Variants in PRRC1 observed in about 807,000 individuals in gnomAD.
The protein encoded by PRRC1 is protein PRRC1.
A neutral mutation model predicts 40.7 loss-of-function variants in PRRC1; 39 were observed. The observed-to-expected ratio is 0.96, with a 90% CI of 0.74 to 1.25. The LOEUF (loss-of-function observed/expected upper bound fraction) is 1.25. PRRC1 is among the 50% of genes most tolerant of loss of function. The probability of loss-of-function intolerance (pLI) is 0.00; values close to 1 mark genes in which losing one functional copy is unlikely to be tolerated. For synonymous variants in PRRC1, 175 were observed against 193.3 expected (o/e 0.91, Z 0.79); for missense variants, 573 against 548.3 (o/e 1.05, Z -0.45).
intron 1 of PRRC1, among the ~76,000 whole-genome samples, chr5:127,520,137 G>C (rs1426261777): frequency 3.9e-5 from 6 of 152,226 alleles, no homozygotes; most frequent in African/African-American, 1.2e-4. Context: ...CTGTGCATTG[G>C]AGGATTTTTA....
chr5:127,526,851 G>GA (rs1767631516), intron 4 of PRRC1, 73 bp downstream of exon 4: 1 of 1,237,478 alleles, frequency 8.1e-7, no homozygotes, highest in Non-Finnish European at 1.1e-6. Flanking sequence ...AGAAAATATT[G>GA]AAAATACAGG....
At chr5:127,535,429 A>G (rs1033403652) in intron 6 of PRRC1, among the ~76,000 whole-genome samples, 1 of 152,180 alleles carries the variant, frequency 6.6e-6, no homozygotes, top group African/African-American at 2.4e-5. Context: ...CAAAAAGGAT[A>G]CCTGTTTACA....
At chr5:127,522,424 T>A (rs377476136) in intron 1 of PRRC1, among the ~76,000 whole-genome samples, 1 of 152,210 alleles carries the variant, frequency 6.6e-6, no homozygotes, top group East Asian at 1.9e-4. Context: ...AAGGTCCTGC[T>A]TTGTTGCCCA....
intron 7 of PRRC1, among the ~76,000 whole-genome samples, chr5:127,542,163 T>C (rs1191790025): frequency 6.6e-6 from 1 of 152,248 alleles, no homozygotes; most frequent in Non-Finnish European, 1.5e-5. Flanking sequence ...GGTTGTTCAG[T>C]TTCCACGTAG....
chr5:127,532,599 GA>G (rs201475099), intron 5 of PRRC1, among the ~76,000 whole-genome samples: 7 of 150,172 alleles, frequency 4.7e-5, no homozygotes, highest in South Asian at 2.1e-4. Context: ...GGAAAAAAGT[GA>G]AAAAAAAAGT....
chr5:127,529,253 T>A (rs1767702544), intron 4 of PRRC1, among the ~76,000 whole-genome samples: 6 of 151,826 alleles, frequency 4.0e-5, no homozygotes, highest in Admixed American at 3.9e-4. Context: ...AGATTTAAAA[T>A]TGGTAGATGA....
At chr5:127,524,452 A>G (rs1767546687) in intron 2 of PRRC1, 79 bp from the exon 3 acceptor site, 2 of 1,455,776 alleles carry the variant, frequency 1.4e-6, no homozygotes, top group East Asian at 2.3e-5. Flanking sequence ...TTTTGCAAGA[A>G]GAAAGTAATT....
At chr5:127,523,040 C>G (rs1767500943) in intron 1 of PRRC1, among the ~76,000 whole-genome samples, 1 of 152,080 alleles carries the variant, frequency 6.6e-6, no homozygotes, top group East Asian at 1.9e-4. Context: ...TCTACAACTC[C>G]TAGCCTCAAA....
In PRRC1 at chr5:127,527,717, T is replaced by C. The variant is rs1196873594; in HGVS notation, c.654+939T>C. ...CAGGCTGCTTGAGCTGTGATCATGA[T>C]ACTACATTCCAGTCTAAGTGACAGA... is the stretch of plus-strand genomic sequence containing the variant. On this transcript the variant is annotated intron_variant, in intron 4 of 8. Coordinates refer to ENST00000296666, the MANE Select transcript of PRRC1 (RefSeq NM_130809.5). Among the ~76,000 whole-genome samples the C allele has an allele frequency of 3.2e-5, 4 of 126,882 alleles. No homozygotes were observed. In the Admixed American group the frequency reaches 3.9e-4, roughly 12 times the overall value. The allele number at this position is 126,882 out of a possible 152,430, so 83.2% of individuals were successfully genotyped here.
chr5:127,532,768 A>T (rs545997935), intron 5 of PRRC1, among the ~76,000 whole-genome samples: 1 of 152,334 alleles, frequency 6.6e-6, no homozygotes, highest in East Asian at 1.9e-4. Flanking sequence ...TTTATTAGGG[A>T]AAAACAACCT....
chr5:127,531,772 G>C (rs1667734091), intron 5 of PRRC1, among the ~76,000 whole-genome samples: 2 of 151,634 alleles, frequency 1.3e-5, no homozygotes, highest in Admixed American at 6.6e-5. Flanking sequence ...ACAGCCGTGT[G>C]CCACCACGCC....
chr5:127,553,886 GCCT>G lies in PRRC1; in HGVS notation c.*1974_*1976del. Reference sequence around the variant, plus strand: ...TTTCCTGCCCCTGGTGACCTGGTAAGCCTCCTGCTCGGAACCGTGTGAGTGGGT... The same window carrying G: ...TTTCCTGCCCCTGGTGACCTGGTAAGCCTGCTCGGAACCGTGTGAGTGGGT... On this transcript the variant is annotated 3_prime_UTR_variant, in exon 9 of 9. Transcript: ENST00000296666. The G allele has an allele frequency of 6.5e-7, 1 of 1,535,660 alleles. No individual in the cohort carries two copies. Among genetic ancestry groups the G allele is most frequent in the Non-Finnish European group, 8.7e-7 (1 of 1,146,586 alleles).
rs1767347585 is a variant in PRRC1 at position 127,517,641 on chromosome 5, T to G, written c.-156T>G. 1 of 151,240 alleles carries G rather than the reference T, an allele frequency of 6.6e-6. No homozygotes were observed. The highest frequency in any genetic ancestry group is 1.5e-5 in the Non-Finnish European group (1 of 67,758). 9.4% of individuals were successfully genotyped at this position (151,240 alleles called of 1,614,324 possible). On this transcript the variant is annotated 5_prime_UTR_variant, in exon 1 of 9. Coordinates refer to ENST00000296666, the MANE Select transcript of PRRC1 (RefSeq NM_130809.5). ...CAGGAGCATGCGCCGCCCGTGGCCA[T>G]CTTGTAGGCGGGGACACGCCGAGGT...
chr5:127,524,989 C>G (rs1767580746), intron 3 of PRRC1, 69 bp downstream of exon 3: 1 of 1,389,044 alleles, frequency 7.2e-7, no homozygotes, highest in Admixed American at 2.3e-5. Context: ...AAAATAATAG[C>G]TTTGTTGAGA....
chr5:127,543,572 C>G (rs886918609), intron 7 of PRRC1, among the ~76,000 whole-genome samples: 20 of 151,854 alleles, frequency 1.3e-4, no homozygotes, highest in African/African-American at 4.1e-4. Context: ...TTGTTCGTTT[C>G]TTTTTATTCT....
chr5:127,530,452 A>G, intron 5 of PRRC1, 56 bp downstream of exon 5: 1 of 1,062,462 alleles, frequency 9.4e-7, no homozygotes, highest in East Asian at 2.5e-5. Context: ...GTATGTCCAC[A>G]TCAGCCACTA....
At chr5:127,534,840 TA>T (rs1326924511) in intron 6 of PRRC1, among the ~76,000 whole-genome samples, 1 of 152,234 alleles carries the variant, frequency 6.6e-6, no homozygotes, top group Non-Finnish European at 1.5e-5. Flanking sequence ...TGTCTAGAAC[TA>T]AACTTCTTTC....
Position 127,533,642 on chromosome 5 carries a change from T to G in PRRC1, c.777T>G (p.Asp259Glu), listed in dbSNP as rs1231059576. ...TTTTAGAATCTGGAGGTGAACTGGATATTGTAGTGACCTCAAATAAAGAAG... is the reference window on the plus strand; with the variant it reads ...TTTTAGAATCTGGAGGTGAACTGGAGATTGTAGTGACCTCAAATAAAGAAG... ...APYIKSGGEL[D>E]IVVTSNKEVK... Residue 259 changes from aspartate (D) to glutamate (E), a missense_variant, in exon 6 of 9, where the codon GAT (aspartate) becomes GAG (glutamate). Transcript: ENST00000296666. 12 of 1,613,884 alleles carry G rather than the reference T, an allele frequency of 7.4e-6. No individual in the cohort carries two copies. Among genetic ancestry groups the G allele is most frequent in the Non-Finnish European group, 1.0e-5 (12 of 1,179,954 alleles).
chr5:127,547,832 G>C lies in PRRC1; in HGVS notation c.1039G>C (p.Gly347Arg), dbSNP rs1326231846. The C allele has an allele frequency of 1.9e-6, 3 of 1,612,356 alleles. No individual in the cohort carries two copies. The highest frequency in any genetic ancestry group is 1.3e-5 in the African/African-American group (1 of 74,874). The change falls in exon 8 of 9, where the codon GGT becomes CGT. Residue 347 changes from glycine to arginine, a missense_variant. Physicochemically the swap from Gly to Arg is moderately radical, Grantham distance 125. Transcript: ENST00000296666. ...ELLPDKWFDIGCLVVEDPVHG... is the reference protein window; with the variant it reads ...ELLPDKWFDIRCLVVEDPVHG... Reference sequence around the variant, plus strand: ...ATTCTGTTGCAGATGGTTTGACATTGGTTGTTTGGTGGTTGAAGATCCTGT... The same window carrying C: ...ATTCTGTTGCAGATGGTTTGACATTCGTTGTTTGGTGGTTGAAGATCCTGT...
Sources: allele counts gnomAD v4.1 joint callset (sites outside exome capture counted in the v4.1 genomes callset), GRCh38; gene constraint gnomAD v4.1.1; transcripts MANE v1.5; gene names NCBI Gene and HGNC (gene_info 2026-07-23, HGNC 2026-07-21).